The following DYNC1LI1 variants were observed in gnomAD, a reference collection of about 807,000 sequenced individuals.
DYNC1LI1 encodes the protein dynein cytoplasmic 1 light intermediate chain 1.
DYNC1LI1 carries 19 observed loss-of-function variants against 63.8 expected under a neutral mutation model. The ratio of observed to expected loss-of-function variants is 0.30; its 90% CI spans 0.21 to 0.44. The LOEUF (loss-of-function observed/expected upper bound fraction) is 0.44. Among genes scored for constraint, DYNC1LI1 ranks in the 20% least tolerant of loss-of-function variants. The pLI is 1.00. For synonymous variants in DYNC1LI1, 225 were observed against 232.3 expected, an observed-to-expected ratio of 0.97 and a Z score of 0.28; for missense variants, 565 against 630.2, an observed-to-expected ratio of 0.90 and a Z score of 1.11.
At chr3:32,547,794 A>G (rs1194959008) in intron 2 of DYNC1LI1, among the ~76,000 whole-genome samples, 1 of 152,206 alleles carries the variant, frequency 6.6e-6, no homozygotes, top group African/African-American at 2.4e-5. Context: ...TTAAAGAGAT[A>G]TCTGTACTCC....
In DYNC1LI1 at chr3:32,550,355, C is replaced by T. The variant is rs530232215; in HGVS notation, c.221-4390G>A. On this transcript the variant is annotated intron_variant, in intron 2 of 12. Transcript: ENST00000273130. The stretch of plus-strand genomic sequence containing the variant: ...CTGAGGCAGGAGAATCGCTTGAACC[C>T]GGGAGGCGGAAGTTGCAGTGAGCTG... 9.2e-5 allele frequency among the ~76,000 whole-genome samples: 14 copies of T among 152,216 alleles called. No individual in the cohort carries two copies. In the South Asian group the frequency reaches 1.7e-3, roughly 18 times the overall value.
intron 7 of DYNC1LI1, among the ~76,000 whole-genome samples, chr3:32,533,875 T>TTC (rs1207351715): frequency 3.3e-5 from 4 of 120,402 alleles, no homozygotes; most frequent in South Asian, 2.5e-4. Context: ...TCAGGTAACT[T>TTC]TCTTTTTTTT....
chr3:32,532,020 G>A (rs1346406735), intron 8 of DYNC1LI1: 1 of 152,136 alleles, frequency 6.6e-6, no homozygotes, highest in Non-Finnish European at 1.5e-5. Context: ...TTTCAGATTA[G>A]GGATAGTCAA....
chr3:32,536,907 T>C (rs968027549), intron 6 of DYNC1LI1, 104 bp downstream of exon 6: 35 of 615,340 alleles, frequency 5.7e-5, no homozygotes, highest in Non-Finnish European at 8.5e-5. Context: ...GAAGGAGAAA[T>C]GTTTACAGAA....
chr3:32,549,686 T>C (rs1221367469), intron 2 of DYNC1LI1, among the ~76,000 whole-genome samples: 1 of 152,146 alleles, frequency 6.6e-6, no homozygotes, highest in African/African-American at 2.4e-5. Context: ...CCAGGATTTA[T>C]CTTATTTCTT....
intron 4 of DYNC1LI1, among the ~76,000 whole-genome samples, chr3:32,543,353 C>A (rs1697907402): frequency 6.6e-6 from 1 of 151,242 alleles, no homozygotes; most frequent in South Asian, 2.1e-4. Context: ...TTAAAAGTTA[C>A]TGTCAGTGAA....
chr3:32,549,848 CT>C (rs1698008674), intron 2 of DYNC1LI1, among the ~76,000 whole-genome samples: 1 of 152,100 alleles, frequency 6.6e-6, no homozygotes, highest in Admixed American at 6.6e-5. Context: ...AGGGTAAAAA[CT>C]TCAGATGAGT....
chr3:32,526,490 C>T lies in DYNC1LI1; in HGVS notation c.*309G>A, dbSNP rs187108301. Reference sequence around the variant, plus strand: ...AAATCCTTTTACATGTTTTAAATAGCCTTTAGAATATGATCGATCACATGG... The same window carrying T: ...AAATCCTTTTACATGTTTTAAATAGTCTTTAGAATATGATCGATCACATGG... On this transcript the variant is annotated 3_prime_UTR_variant, in exon 13 of 13. Transcript: ENST00000273130. 4.9e-5 allele frequency: 9 copies of T among 182,812 alleles called. No homozygotes were observed. Among genetic ancestry groups the T allele is most frequent in the Admixed American group, 4.2e-4 (7 of 16,812 alleles). The allele number at this position is 182,812 out of a possible 1,614,324, so 11.3% of individuals were successfully genotyped here.
chr3:32,535,550 AACTT>A (rs1218252440), intron 6 of DYNC1LI1, among the ~76,000 whole-genome samples: 2 of 152,172 alleles, frequency 1.3e-5, no homozygotes, highest in Non-Finnish European at 2.9e-5. Flanking sequence ...CAACTTACTA[AACTT>A]ACTTTGATAC....
intron 5 of DYNC1LI1, 188 bp from the exon 6 acceptor site, chr3:32,537,292 T>C: frequency 2.9e-6 from 1 of 345,678 alleles, no homozygotes; most frequent in Non-Finnish European, 5.2e-6. Context: ...TGGATAATTT[T>C]ATCTTTTTAA....
Position 32,526,818 on chromosome 3 carries a change from G to T in DYNC1LI1, c.1553C>A (p.Thr518Lys). 6.2e-7 allele frequency: 1 copy of T among 1,612,166 alleles called. No individual in the cohort carries two copies. Among genetic ancestry groups the T allele is most frequent in the East Asian group, 2.2e-5 (1 of 44,848 alleles). The change falls in exon 13 of 13, where the codon ACG (threonine) becomes AAG (lysine). Residue 518 changes from threonine to lysine, a missense_variant. By Grantham distance (78) the Thr-to-Lys change is moderately conservative (BLOSUM62 -1). Transcript: ENST00000273130. ...GTATCTTCAAGAAGCTTCTCCTTCC[G>T]TAGGAGATGTAGGTGTTGTGGGAGA... ...TVSPTTPTSP[T>K]EGEAS
chr3:32,537,039 C>T lies in DYNC1LI1; in HGVS notation c.804G>A (p.Gln268=). Residue 268 remains glutamine, a synonymous_variant, in exon 6 of 13, where the codon CAG becomes CAA. Transcript: ENST00000273130. ...GTAAACAAAACTTCCGGATATGTGA[C>T]TGAATAAAATCAAAATGTTCATCTC... ...DYRDEHFDFI[Q]SHIRKFCLQY... 3.1e-6 allele frequency: 5 copies of T among 1,597,584 alleles called. No homozygotes were observed. Among genetic ancestry groups the T allele is most frequent in the Non-Finnish European group, 4.3e-6 (5 of 1,171,456 alleles).
intron 2 of DYNC1LI1, among the ~76,000 whole-genome samples, chr3:32,559,638 A>C (rs1342040581): frequency 3.3e-5 from 5 of 152,182 alleles, no homozygotes; most frequent in Non-Finnish European, 7.3e-5. Context: ...AGAACACATA[A>C]TACTTTAATG....
At chr3:32,548,209 G>A (rs1697984466) in intron 2 of DYNC1LI1, among the ~76,000 whole-genome samples, 1 of 152,078 alleles carries the variant, frequency 6.6e-6, no homozygotes, top group Admixed American at 6.5e-5. Flanking sequence ...AGCAGGAGGT[G>A]AGCCGACAGC....
chr3:32,545,514 G>T, intron 3 of DYNC1LI1: 1 of 335,632 alleles, frequency 3.0e-6, no homozygotes, highest in Non-Finnish European at 5.4e-6. Context: ...AAAAAGCTGA[G>T]TAGATAATAT....
intron 5 of DYNC1LI1, among the ~76,000 whole-genome samples, chr3:32,537,890 T>TTA (rs1161170075): frequency 2.4e-5 from 2 of 83,346 alleles, no homozygotes; most frequent in South Asian, 2.9e-4. Context: ...TATATATAAT[T>TTA]TATATATATA....
At chr3:32,549,140 A>C (rs1450975702) in intron 2 of DYNC1LI1, among the ~76,000 whole-genome samples, 1 of 152,056 alleles carries the variant, frequency 6.6e-6, no homozygotes, top group Non-Finnish European at 1.5e-5. Flanking sequence ...TTCTAATTTG[A>C]ATTTTACCAA....
chr3:32,566,489 G>A (rs1053428160), intron 2 of DYNC1LI1: 7 of 192,714 alleles, frequency 3.6e-5, no homozygotes, highest in South Asian at 7.0e-5. Flanking sequence ...AGTGGCTCAC[G>A]CGGCACTTTG....
chr3:32,569,105 A>G lies in DYNC1LI1; in HGVS notation c.220+1241T>C, dbSNP rs561728665. ...CTCATTTGATTCCCGCCACAACCCTAGAGGCAAGTATTATTATTTCTATAA... is the reference window on the plus strand; with the variant it reads ...CTCATTTGATTCCCGCCACAACCCTGGAGGCAAGTATTATTATTTCTATAA... On this transcript the variant is annotated intron_variant, in intron 2 of 12. Coordinates refer to ENST00000273130, the MANE Select transcript of DYNC1LI1 (RefSeq NM_016141.4). Among the ~76,000 whole-genome samples the G allele has an allele frequency of 7.9e-5, 12 of 152,332 alleles. No individual in the cohort carries two copies. In the South Asian group the frequency reaches 2.5e-3, roughly 32 times the overall value.
Sources: allele counts gnomAD v4.1 joint callset (sites outside exome capture counted in the v4.1 genomes callset), GRCh38; gene constraint gnomAD v4.1.1; transcripts MANE v1.5; gene names NCBI Gene and HGNC (gene_info 2026-07-23, HGNC 2026-07-21).